AGPS: variants seen among roughly 807,000 people sequenced by gnomAD.
The protein encoded by AGPS is alkyldihydroxyacetonephosphate synthase, peroxisomal.
Under a neutral mutation model 90.7 loss-of-function variants are expected in AGPS, and 26 were observed. That is an observed-to-expected ratio of 0.29 (90% CI 0.21 to 0.40). The LOEUF is 0.40. Among genes scored for constraint, AGPS ranks in the 10% least tolerant of loss-of-function variants. AGPS has a pLI of 1.00. For missense variants in AGPS, 540 were observed against 816.1 expected, an observed-to-expected ratio of 0.66 and a Z score of 4.12; for synonymous variants, 294 against 285.3, an observed-to-expected ratio of 1.03 and a Z score of -0.31.
At chr2:177,420,470 A>G in intron 2 of AGPS, 112 bp downstream of exon 2, 1 of 812,254 alleles carries the variant, frequency 1.2e-6, no homozygotes, top group Non-Finnish European at 2.1e-6. Context: ...AACATTATCA[A>G]CATTTTGCCA....
rs185541959 is a variant in AGPS, at chr2:177,413,117, C to T, written c.261-7152C>T. Among the ~76,000 whole-genome samples, 350 of 152,228 alleles carry T rather than the reference C, an allele frequency of 2.3e-3. 2 individuals carry two copies. The highest frequency in any genetic ancestry group is 7.4e-3 in the African/African-American group (309 of 41,542). On this transcript the variant is annotated intron_variant, in intron 1 of 19. Coordinates refer to ENST00000264167, the MANE Select transcript of AGPS (RefSeq NM_003659.4). Reference sequence around the variant, plus strand: ...GTTGCAAGATTTAATAGAGTGAAAACGGAGCTCCCATACAATGGGAGGGAA... The same window carrying T: ...GTTGCAAGATTTAATAGAGTGAAAATGGAGCTCCCATACAATGGGAGGGAA...
At position 177,538,623 on chromosome 2, in the gene AGPS, C is replaced by A. The variant is rs574178840; in HGVS notation, c.*428C>A. 8.0e-6 allele frequency: 2 copies of A among 249,400 alleles called. No individual in the cohort carries two copies. Among genetic ancestry groups the A allele is most frequent in the Non-Finnish European group, 1.6e-5 (2 of 127,574 alleles). The allele number at this position is 249,400 out of a possible 1,614,324, so 15.4% of individuals were successfully genotyped here. On this transcript the variant is annotated 3_prime_UTR_variant, in exon 20 of 20. Coordinates refer to ENST00000264167, the MANE Select transcript of AGPS (RefSeq NM_003659.4). ...AAGGATTCCACTGAGGAGTGATACA[C>A]GTGTACATTGTTTAAGAGCATAGTC...
intron 8 of AGPS, among the ~76,000 whole-genome samples, chr2:177,446,875 C>A (rs1686791552): frequency 6.6e-6 from 1 of 152,138 alleles, no homozygotes; most frequent in South Asian, 2.1e-4. Flanking sequence ...GACAACTACT[C>A]ATTTCATAAA....
At chr2:177,494,781 G>C (rs1688366034) in intron 12 of AGPS, among the ~76,000 whole-genome samples, 1 of 152,078 alleles carries the variant, frequency 6.6e-6, no homozygotes, top group South Asian at 2.1e-4. Context: ...AGCCACCAAA[G>C]TGATCCTTTT....
chr2:177,465,528 C>T (rs775858384), intron 9 of AGPS, among the ~76,000 whole-genome samples: 3 of 152,116 alleles, frequency 2.0e-5, no homozygotes, highest in Non-Finnish European at 4.4e-5. Context: ...TTGCCAACGG[C>T]GAGCCAGGCA....
intron 5 of AGPS, among the ~76,000 whole-genome samples, chr2:177,439,510 G>A (rs749993146): frequency 6.6e-6 from 1 of 152,056 alleles, no homozygotes; most frequent in Non-Finnish European, 1.5e-5. Flanking sequence ...ATTCTATTTA[G>A]TAAATTTACC....
At chr2:177,480,771 A>C (rs896917023) in intron 10 of AGPS, among the ~76,000 whole-genome samples, 27 of 151,884 alleles carry the variant, frequency 1.8e-4, no homozygotes, top group African/African-American at 6.0e-4. Context: ...ATAAATAAAA[A>C]ATAAATTGTA....
At chr2:177,400,314 A>G (rs1177194807) in intron 1 of AGPS, among the ~76,000 whole-genome samples, 1 of 152,186 alleles carries the variant, frequency 6.6e-6, no homozygotes, top group Non-Finnish European at 1.5e-5. Flanking sequence ...GTCCAACTCT[A>G]TTACTCAATT....
Position 177,476,945 on chromosome 2 carries a change from G to T in AGPS, c.1106-5114G>T, listed in dbSNP as rs376489656. Among the ~76,000 whole-genome samples the T allele has an allele frequency of 2.0e-5, 3 of 151,880 alleles. No homozygotes were observed. In the East Asian group the frequency reaches 5.8e-4, roughly 29 times the overall value. The stretch of plus-strand genomic sequence containing the variant: ...GTAATATTTTGTTTCAGTCTGTTTC[G>T]TATGATATTAGTATGTAGTCACTCT... On this transcript the variant is annotated intron_variant, in intron 10 of 19. Transcript: ENST00000264167.
intron 1 of AGPS, among the ~76,000 whole-genome samples, chr2:177,416,781 G>A (rs1685799013): frequency 1.3e-5 from 2 of 151,982 alleles, no homozygotes; most frequent in South Asian, 4.1e-4. Flanking sequence ...TGCCCACCTT[G>A]GCCTCCCAAA....
intron 19 of AGPS, among the ~76,000 whole-genome samples, chr2:177,531,783 T>C (rs2079139312): frequency 6.6e-6 from 1 of 152,120 alleles, no homozygotes; most frequent in Admixed American, 6.6e-5. Flanking sequence ...TGTGTGTTAT[T>C]GGAGGAGGAC....
intron 11 of AGPS, among the ~76,000 whole-genome samples, chr2:177,489,115 C>T (rs569808065): frequency 5.2e-4 from 74 of 141,700 alleles, no homozygotes; most frequent in African/African-American, 1.8e-3. Flanking sequence ...AACGGAGTCT[C>T]GCTCTATTGC....
In AGPS at chr2:177,542,917, C is replaced by CT. The variant is rs1489292012; in HGVS notation, c.*4722_*4723insT. On this transcript the variant is annotated 3_prime_UTR_variant, in exon 20 of 20. Transcript: ENST00000264167. ...GGTAAGTCTTTAGACAGAGGTCATT[C>CT]AGCAGTTCAAGACTATTCCTCTTCA... The CT allele has an allele frequency of 1.3e-5, 2 of 152,078 alleles. No homozygotes were observed. Among genetic ancestry groups the CT allele is most frequent in the African/African-American group, 4.8e-5 (2 of 41,404 alleles). The allele number at this position is 152,078 out of a possible 1,614,324, so 9.4% of individuals were successfully genotyped here.
At chr2:177,514,199 C>T (rs539220605) in intron 17 of AGPS, among the ~76,000 whole-genome samples, 4 of 152,230 alleles carry the variant, frequency 2.6e-5, no homozygotes, top group Admixed American at 2.6e-4. Flanking sequence ...GAGGACTACT[C>T]TACTCACTGA....
In AGPS at chr2:177,434,381, C is replaced by T. The variant is rs1332577384; in HGVS notation, c.405C>T (p.Thr135=). 5 of 1,612,610 alleles carry T rather than the reference C, an allele frequency of 3.1e-6. No individual in the cohort carries two copies. Among genetic ancestry groups the T allele is most frequent in the Non-Finnish European group, 4.2e-6 (5 of 1,179,272 alleles). Residue 135 remains threonine, a synonymous_variant, in exon 3 of 20, where the codon ACC becomes ACT. Coordinates refer to ENST00000264167, the MANE Select transcript of AGPS (RefSeq NM_003659.4). ...CATTTAAAGAATGGATCCAAAATAC[C>T]CTTGGAGTAAATGTGGAGCATAAAA... ...LPTFKEWIQN[T]LGVNVEHKTT...
rs2079206260 is a variant in AGPS at position 177,538,767 on chromosome 2, C to T, written c.*572C>T. On this transcript the variant is annotated 3_prime_UTR_variant, in exon 20 of 20. Coordinates refer to ENST00000264167, the MANE Select transcript of AGPS (RefSeq NM_003659.4). ...CTACTTTTTTTTTTAAATTAGTATA[C>T]ATGCATAAAACCTTGTATCATCAAT... 6.4e-6 allele frequency: 1 copy of T among 155,418 alleles called. No homozygotes were observed. The highest frequency in any genetic ancestry group is 2.4e-5 in the African/African-American group (1 of 41,324). 9.6% of individuals were successfully genotyped at this position (155,418 alleles called of 1,614,324 possible). A position where few individuals can be genotyped will look rare whatever the true frequency, so the allele number is the denominator to read the frequency against.
chr2:177,409,023 C>T (rs994588704), intron 1 of AGPS, among the ~76,000 whole-genome samples: 1 of 152,126 alleles, frequency 6.6e-6, no homozygotes, highest in African/African-American at 2.4e-5. Flanking sequence ...TTGAGAACCT[C>T]TGTTGTTGTG....
chr2:177,478,043 C>T (rs1013559362), intron 10 of AGPS, among the ~76,000 whole-genome samples: 28 of 152,280 alleles, frequency 1.8e-4, no homozygotes, highest in African/African-American at 6.3e-4. Context: ...GGTTTTCCAG[C>T]AGTGAAGTCC....
At chr2:177,424,713 G>A (rs1013668367) in intron 2 of AGPS, among the ~76,000 whole-genome samples, 3 of 152,160 alleles carry the variant, frequency 2.0e-5, no homozygotes, top group Non-Finnish European at 4.4e-5. Context: ...CAGTGTAAAA[G>A]CATTCCTTTA....
Sources: allele counts gnomAD v4.1 joint callset (sites outside exome capture counted in the v4.1 genomes callset), GRCh38; gene constraint gnomAD v4.1.1; transcripts MANE v1.5; gene names NCBI Gene and HGNC (gene_info 2026-07-23, HGNC 2026-07-21).